Variants in SYNJ2 observed in about 807,000 individuals in gnomAD.
The protein encoded by SYNJ2 is polyphosphatidylinositol phosphatase SYNJ2.
Under a neutral mutation model 141.3 loss-of-function variants are expected in SYNJ2, and 116 were observed. That is an observed-to-expected ratio of 0.82 (90% CI 0.71 to 0.96). The LOEUF (loss-of-function observed/expected upper bound fraction) is 0.96. Ranked by LOEUF, SYNJ2 falls within the 40% of genes least tolerant of loss-of-function variation. SYNJ2 has a pLI of 0.00. For missense variants in SYNJ2, 1,873 were observed against 1,934.8 expected (o/e 0.97, Z 0.60); for synonymous variants, 745 against 777.7 (o/e 0.96, Z 0.70).
rs527244507 is a variant in SYNJ2, at chr6:158,069,769, G to C, written c.1940+96G>C. Reference sequence around the variant, plus strand: ...TCCCCCTCCTCCCCCATCCCCTTCTGTAACAGGAATCGGGACTTACCATTA... The same window carrying C: ...TCCCCCTCCTCCCCCATCCCCTTCTCTAACAGGAATCGGGACTTACCATTA... On this transcript the variant is annotated intron_variant, in intron 14 of 26. Transcript: ENST00000355585. 65 of 1,403,442 alleles carry C rather than the reference G, an allele frequency of 4.6e-5. No homozygotes were observed. The East Asian group carries it at 7.2e-4, about 16-fold the overall frequency. 86.9% of individuals were successfully genotyped at this position (1,403,442 alleles called of 1,614,324 possible).
chr6:158,064,484 C>G, intron 9 of SYNJ2, 117 bp from the exon 10 acceptor site: 1 of 1,304,350 alleles, frequency 7.7e-7, no homozygotes. Flanking sequence ...TGGAGGGGCA[C>G]AGAGTCTTCC....
chr6:158,028,733 C>T (rs982362267), intron 2 of SYNJ2, 23 bp from the exon 3 acceptor site: 2 of 1,611,846 alleles, frequency 1.2e-6, no homozygotes, highest in African/African-American at 2.7e-5. Flanking sequence ...ACCCTGAGCT[C>T]TCCTGTCTGA....
At position 158,062,183 on chromosome 6, in the gene SYNJ2, T is replaced by C; in HGVS notation, c.1127+19T>C. The C allele has an allele frequency of 1.9e-6, 3 of 1,605,014 alleles. No individual in the cohort carries two copies. The highest frequency in any genetic ancestry group is 2.6e-6 in the Non-Finnish European group (3 of 1,174,154). On this transcript the variant is annotated intron_variant, in intron 8 of 26. Coordinates refer to ENST00000355585, the MANE Select transcript of SYNJ2 (RefSeq NM_003898.4). The stretch of plus-strand genomic sequence containing the variant: ...GTCCACGGTGAGGCTCGCTGCGCAC[T>C]GTGCCGCGTCTTCTGCTGGGGGGAA...
intron 1 of SYNJ2, among the ~76,000 whole-genome samples, chr6:157,998,007 G>A (rs550727944): frequency 1.3e-5 from 2 of 152,356 alleles, no homozygotes; most frequent in African/African-American, 2.4e-5. Flanking sequence ...TGGTTGATCA[G>A]TGCAGTGCCT....
rs1415268630 is a variant in SYNJ2 at position 158,097,362 on chromosome 6, T to C, written c.*998T>C. 1.3e-5 allele frequency: 2 copies of C among 152,230 alleles called. No individual in the cohort carries two copies. The highest frequency in any genetic ancestry group is 1.5e-5 in the Non-Finnish European group (1 of 68,042). The allele number at this position is 152,230 out of a possible 1,614,324, so 9.4% of individuals were successfully genotyped here. On this transcript the variant is annotated 3_prime_UTR_variant, in exon 27 of 27. Transcript: ENST00000355585. ...GTGTTTCTGGGTTTGCTTGTCTATA[T>C]GTTTGTCTATATTTTTTGCCTATAC... is the stretch of plus-strand genomic sequence containing the variant.
chr6:158,026,491 C>T (rs1175757295), intron 2 of SYNJ2, among the ~76,000 whole-genome samples: 1 of 152,124 alleles, frequency 6.6e-6, no homozygotes, highest in African/African-American at 2.4e-5. Context: ...ACCGGCTCTC[C>T]TCACTCCCCT....
chr6:157,987,171 G>A (rs1777237831), intron 1 of SYNJ2, among the ~76,000 whole-genome samples: 1 of 152,016 alleles, frequency 6.6e-6, no homozygotes, highest in South Asian at 2.1e-4. Flanking sequence ...ATTTTTAGTA[G>A]AGATGGCATT....
chr6:157,984,737 C>T (rs1247488794), intron 1 of SYNJ2, among the ~76,000 whole-genome samples: 1 of 152,242 alleles, frequency 6.6e-6, no homozygotes, highest in Non-Finnish European at 1.5e-5. Flanking sequence ...AGGCTGCAAT[C>T]TCTACTTTTG....
At position 158,084,570 on chromosome 6, in the gene SYNJ2, C is replaced by T. The variant is rs991226250; in HGVS notation, c.3208+396C>T. Among the ~76,000 whole-genome samples the T allele has an allele frequency of 3.9e-5, 6 of 151,988 alleles. No homozygotes were observed. Among genetic ancestry groups the T allele is most frequent in the African/African-American group, 9.7e-5 (4 of 41,370 alleles). ...CTGTAATCCCAGCACTTTGGGAGGC[C>T]GAGACAGGTGGATCGCTTGAGGTCA... On this transcript the variant is annotated intron_variant, in intron 22 of 26. Coordinates refer to ENST00000355585, the MANE Select transcript of SYNJ2 (RefSeq NM_003898.4). The surrounding 1 kb of genome is among the most constrained non-coding windows in gnomAD (Gnocchi z 5.0).
chr6:158,016,750 C>A (rs1361645869), intron 1 of SYNJ2, among the ~76,000 whole-genome samples: 1 of 152,172 alleles, frequency 6.6e-6, no homozygotes, highest in Non-Finnish European at 1.5e-5. Context: ...TGGGTTGGAC[C>A]CAGGCCCTGG....
rs1469266737 is a variant in SYNJ2 at position 158,098,567 on chromosome 6, CTTAT to C, written c.*2210_*2213del. 1 of 151,502 alleles carries C rather than the reference CTTAT, an allele frequency of 6.6e-6. No individual in the cohort carries two copies. The highest frequency in any genetic ancestry group is 2.4e-5 in the African/African-American group (1 of 41,234). The allele number at this position is 151,502 out of a possible 1,614,324, so 9.4% of individuals were successfully genotyped here. On this transcript the variant is annotated 3_prime_UTR_variant, in exon 27 of 27. Coordinates refer to ENST00000355585, the MANE Select transcript of SYNJ2 (RefSeq NM_003898.4). ...AAAAAAAAAGGACAATTGGAATTGC[CTTAT>C]TTATTTTTAAAATCAATGCTTACTA...
At chr6:157,981,798 G>A (rs1054432568), upstream of SYNJ2, 4 of 556,756 alleles carry the variant, frequency 7.2e-6, no homozygotes, top group Admixed American at 1.8e-4. The surrounding 1 kb of genome is among the most constrained non-coding windows in gnomAD (Gnocchi z 6.4). Flanking sequence ...GGCGCGAGTG[G>A]GGAGGAGGAG....
intron 5 of SYNJ2, among the ~76,000 whole-genome samples, chr6:158,045,049 C>T (rs1275714528): frequency 6.6e-6 from 1 of 151,124 alleles, no homozygotes; most frequent in Non-Finnish European, 1.5e-5. Flanking sequence ...TGGGAAGGAC[C>T]CTTTGGAATT....
intron 23 of SYNJ2, 64 bp from the exon 24 acceptor site, chr6:158,088,596 G>C (rs183262183): frequency 7.9e-7 from 1 of 1,270,036 alleles, no homozygotes; most frequent in Non-Finnish European, 1.1e-6. Flanking sequence ...TCGGGCTCCT[G>C]GCAGCTGGCT....
chr6:158,044,512 G>A (rs912994799), intron 5 of SYNJ2, among the ~76,000 whole-genome samples: 3 of 152,168 alleles, frequency 2.0e-5, no homozygotes, highest in South Asian at 2.1e-4. Flanking sequence ...CACACTGCAC[G>A]AGATAACTGA....
At chr6:158,050,492 T>C (rs1780509085) in intron 5 of SYNJ2, among the ~76,000 whole-genome samples, 1 of 152,254 alleles carries the variant, frequency 6.6e-6, no homozygotes, top group Non-Finnish European at 1.5e-5. Flanking sequence ...GCAGTGATAC[T>C]GGACTAGCCA....
At chr6:158,065,297 C>T (rs1781498407) in intron 11 of SYNJ2, among the ~76,000 whole-genome samples, 1 of 152,220 alleles carries the variant, frequency 6.6e-6, no homozygotes, top group Non-Finnish European at 1.5e-5. Flanking sequence ...GAATGCTAAC[C>T]TACTCCAGAA....
Position 158,076,724 on chromosome 6 carries a change from C to A in SYNJ2, c.2391C>A (p.Thr797=). 1 of 1,614,186 alleles carries A rather than the reference C, an allele frequency of 6.2e-7. No homozygotes were observed. Among genetic ancestry groups the A allele is most frequent in the South Asian group, 1.1e-5 (1 of 91,074 alleles). ...AAYDTSDKCR[T]PAWTDRVLWW... is the part of the protein sequence containing the mutation. ...ACGATACAAGCGACAAATGCCGCACCCCCGCCTGGACAGACAGGGTGCTGT... is the reference window on the plus strand; with the variant it reads ...ACGATACAAGCGACAAATGCCGCACACCCGCCTGGACAGACAGGGTGCTGT... The change falls in exon 17 of 27, where the codon ACC becomes ACA. Residue 797 remains threonine (T), a synonymous_variant. Transcript: ENST00000355585.
At chr6:158,059,479 C>A in intron 7 of SYNJ2, 126 bp downstream of exon 7, 1 of 1,483,964 alleles carries the variant, frequency 6.7e-7, no homozygotes. Flanking sequence ...TTTCCTGAGG[C>A]TTCCCCAGCA....
Sources: allele counts gnomAD v4.1 joint callset (sites outside exome capture counted in the v4.1 genomes callset), GRCh38; gene constraint gnomAD v4.1.1; non-coding constraint Gnocchi (gnomAD v3.1); transcripts MANE v1.5; gene names NCBI Gene and HGNC (gene_info 2026-07-23, HGNC 2026-07-21).